Variants in GFRA1 observed in about 807,000 individuals in gnomAD.
The protein encoded by GFRA1 is GDNF family receptor alpha 1, also known as GDNF family receptor alpha-1.
A neutral mutation model predicts 51.6 loss-of-function variants in GFRA1; 16 were observed. That is an observed-to-expected ratio of 0.31 (90% CI 0.21 to 0.47). The LOEUF is 0.47. Among genes scored for constraint, GFRA1 ranks in the 20% least tolerant of loss-of-function variants. The probability of loss-of-function intolerance (pLI) is 1.00; values close to 1 mark genes in which losing one functional copy is unlikely to be tolerated. For missense variants in GFRA1, 530 were observed against 594.3 expected, an observed-to-expected ratio of 0.89 and a Z score of 1.13; for synonymous variants, 270 against 241.3, an observed-to-expected ratio of 1.12 and a Z score of -1.10.
upstream of GFRA1, among the ~76,000 whole-genome samples, chr10:116,273,671 GTCTCTCTCTCTC>G (rs60112716): frequency 1.2e-4 from 18 of 147,458 alleles, no homozygotes; most frequent in Non-Finnish European, 2.7e-4. Flanking sequence ...CTCTCTCTCT[GTCTCTCTCTCTC>G]TCTCTCTCTC....
At chr10:116,261,177 T>C (rs1487607733) in intron 4 of GFRA1, among the ~76,000 whole-genome samples, 3 of 152,202 alleles carry the variant, frequency 2.0e-5, no homozygotes, top group Admixed American at 6.5e-5. Context: ...GAAAGACAAC[T>C]GAACTGAGAT....
At position 116,061,640 on chromosome 10, in the gene GFRA1, A is replaced by AAATC. The variant is rs1318866480; in HGVS notation, c.*2754_*2757dup. 1.0e-5 allele frequency: 2 copies of AAATC among 193,074 alleles called. No individual in the cohort carries two copies. The highest frequency in any genetic ancestry group is 4.6e-5 in the African/African-American group (2 of 43,310). The allele number at this position is 193,074 out of a possible 1,614,324, so 12.0% of individuals were successfully genotyped here. Reference sequence around the variant, plus strand: ...CCCTAGTTACTGTTTGGTTTCATCAAAATCAACTGCAATGAGATACTTCCT... The same window carrying AAATC: ...CCCTAGTTACTGTTTGGTTTCATCAAAATCAATCAACTGCAATGAGATACTTCCT... On this transcript the variant is annotated 3_prime_UTR_variant, in exon 11 of 11. Transcript: ENST00000355422.
chr10:116,086,763 C>T (rs980980099), intron 9 of GFRA1, among the ~76,000 whole-genome samples: 16 of 152,194 alleles, frequency 1.1e-4, no homozygotes, highest in Non-Finnish European at 1.8e-4. Context: ...TTCATGTCCC[C>T]CTCTGCCAAG....
intron 4 of GFRA1, among the ~76,000 whole-genome samples, chr10:116,236,372 A>G (rs776280368): frequency 6.6e-6 from 1 of 152,136 alleles, no homozygotes; most frequent in Non-Finnish European, 1.5e-5. Context: ...TTTCCCCTCT[A>G]TGCTCAAAAA....
intron 4 of GFRA1, among the ~76,000 whole-genome samples, chr10:116,250,838 C>G (rs1968282889): frequency 6.6e-6 from 1 of 152,234 alleles, no homozygotes; most frequent in Admixed American, 6.5e-5. Context: ...CTGCACAGGG[C>G]AGCGGAAGGA....
Position 116,062,276 on chromosome 10 carries a change from C to T in GFRA1, c.*2122G>A. The stretch of plus-strand genomic sequence containing the variant: ...GATACCTTAATGAAAACAAAATACA[C>T]TCTGTAAGAGATATGCGCTCATAGA... On this transcript the variant is annotated 3_prime_UTR_variant, in exon 11 of 11. Transcript: ENST00000355422. 1 of 396,912 alleles carries T rather than the reference C, an allele frequency of 2.5e-6. No individual in the cohort carries two copies. The highest frequency in any genetic ancestry group is 4.4e-5 in the Admixed American group (1 of 22,712). 24.6% of individuals were successfully genotyped at this position (396,912 alleles called of 1,614,324 possible).
At chr10:116,180,111 A>C (rs7914706) in intron 5 of GFRA1, among the ~76,000 whole-genome samples, 84,361 of 152,092 alleles carry the variant, frequency 0.55, 23,597 homozygotes, top group Middle Eastern at 0.67. Flanking sequence ...TTCTTTCTGA[A>C]CAAATATATA....
At chr10:116,236,115 T>C (rs1224580995) in intron 4 of GFRA1, among the ~76,000 whole-genome samples, 1 of 152,136 alleles carries the variant, frequency 6.6e-6, no homozygotes, top group Non-Finnish European at 1.5e-5. Context: ...AAATTCACCC[T>C]TGCTTTGGCG....
intron 4 of GFRA1, among the ~76,000 whole-genome samples, chr10:116,241,128 T>C (rs1967330768): frequency 2.3e-5 from 2 of 87,098 alleles, no homozygotes; most frequent in Admixed American, 3.2e-4. Context: ...AATTTCGTAA[T>C]ACATTAGATT....
chr10:116,171,452 C>CT (rs1189413295), intron 5 of GFRA1, among the ~76,000 whole-genome samples: 1 of 152,098 alleles, frequency 6.6e-6, no homozygotes, highest in East Asian at 1.9e-4. Flanking sequence ...TATATTTTGC[C>CT]TTGTAAAAAT....
chr10:116,083,149 G>A lies in GFRA1; in HGVS notation c.1197+6592C>T, dbSNP rs116282945. Among the ~76,000 whole-genome samples, 1,118 of 152,284 alleles carry A rather than the reference G, an allele frequency of 7.3e-3. 18 individuals are homozygous for A. The highest frequency in any genetic ancestry group is 0.026 in the African/African-American group (1,060 of 41,552). ...TAACTCCAAAGCTCAAGCTTTTCCCGGAAAACCAACTCTTAAACTGTTAAC... is the reference window on the plus strand; with the variant it reads ...TAACTCCAAAGCTCAAGCTTTTCCCAGAAAACCAACTCTTAAACTGTTAAC... On this transcript the variant is annotated intron_variant, in intron 9 of 10. Coordinates refer to ENST00000355422, the MANE Select transcript of GFRA1 (RefSeq NM_005264.8).
intron 9 of GFRA1, among the ~76,000 whole-genome samples, chr10:116,070,740 C>T (rs1431792261): frequency 1.3e-5 from 2 of 149,890 alleles, no homozygotes; most frequent in East Asian, 3.9e-4. Flanking sequence ...TAACGGTGGC[C>T]CACCTAGAAG....
At chr10:116,177,332 A>G (rs1364715006) in intron 5 of GFRA1, among the ~76,000 whole-genome samples, 1 of 152,172 alleles carries the variant, frequency 6.6e-6, no homozygotes, top group African/African-American at 2.4e-5. Context: ...GCAATGGTCT[A>G]GGCAAAATAA....
intron 9 of GFRA1, among the ~76,000 whole-genome samples, chr10:116,083,711 C>A (rs1377850557): frequency 6.6e-6 from 1 of 152,120 alleles, no homozygotes; most frequent in Non-Finnish European, 1.5e-5. Flanking sequence ...GGGGTTTGCC[C>A]CCACAAAGAA....
chr10:116,167,388 A>G (rs1960573466), intron 5 of GFRA1, among the ~76,000 whole-genome samples: 2 of 152,032 alleles, frequency 1.3e-5, no homozygotes, highest in African/African-American at 4.8e-5. Flanking sequence ...GGTCTGGCAT[A>G]AGCCTCTTAC....
chr10:116,167,702 C>T (rs1960615354), intron 5 of GFRA1, among the ~76,000 whole-genome samples: 1 of 152,122 alleles, frequency 6.6e-6, no homozygotes, highest in African/African-American at 2.4e-5. Flanking sequence ...TCCCCGGGCT[C>T]CAACCTTAGA....
At chr10:116,232,848 A>G (rs754492206) in intron 4 of GFRA1, among the ~76,000 whole-genome samples, 2 of 152,188 alleles carry the variant, frequency 1.3e-5, no homozygotes, top group African/African-American at 2.4e-5. Flanking sequence ...CCATTCAGAG[A>G]TAACTGCAGG....
At chr10:116,224,527 A>C (rs570971227) in intron 4 of GFRA1, among the ~76,000 whole-genome samples, 139 of 152,352 alleles carry the variant, frequency 9.1e-4, no homozygotes, top group African/African-American at 3.1e-3. Context: ...GACATGAAGT[A>C]TTGATACATG....
At position 116,125,299 on chromosome 10, in the gene GFRA1, G is replaced by A. The variant is rs1420263496; in HGVS notation, c.692C>T (p.Pro231Leu). 6.2e-7 allele frequency: 1 copy of A among 1,614,228 alleles called. No homozygotes were observed. Among genetic ancestry groups the A allele is most frequent in the South Asian group, 1.1e-5 (1 of 91,086 alleles). Reference sequence around the variant, plus strand: ...CTCCCTCTCTTCATAGGAGCACACAGGCACGATGGTCTGTCGCCTCCGCTC... The same window carrying A: ...CTCCCTCTCTTCATAGGAGCACACAAGCACGATGGTCTGTCGCCTCCGCTC... ...CTERRRQTIV[P>L]VCSYEEREKP... The change falls in exon 6 of 11, where the codon CCT (proline) becomes CTT (leucine). Residue 231 changes from proline (P) to leucine (L), a missense_variant. Coordinates refer to ENST00000355422, the MANE Select transcript of GFRA1 (RefSeq NM_005264.8).
Sources: allele counts gnomAD v4.1 joint callset (sites outside exome capture counted in the v4.1 genomes callset), GRCh38; gene constraint gnomAD v4.1.1; transcripts MANE v1.5; gene names NCBI Gene and HGNC (gene_info 2026-07-23, HGNC 2026-07-21).